REEP3: variants seen among roughly 807,000 people sequenced by gnomAD.
The protein encoded by REEP3 is receptor accessory protein 3.
Under a neutral mutation model 41.3 loss-of-function variants are expected in REEP3, and 20 were observed. That is an observed-to-expected ratio of 0.48 (90% CI 0.34 to 0.70). REEP3 has a LOEUF of 0.70. Ranked by LOEUF, REEP3 falls within the 30% of genes least tolerant of loss-of-function variation. The pLI is 0.01. For missense variants in REEP3, 271 were observed against 308.8 expected, an observed-to-expected ratio of 0.88 and a Z score of 0.92; for synonymous variants, 104 against 101.8, an observed-to-expected ratio of 1.02 and a Z score of -0.13.
At chr10:63,591,544 G>T (rs970911855) in intron 2 of REEP3, among the ~76,000 whole-genome samples, 3 of 152,186 alleles carry the variant, frequency 2.0e-5, no homozygotes, top group Non-Finnish European at 2.9e-5. Context: ...CTATTGATTA[G>T]ATAGTTTGCT....
Position 63,599,271 on chromosome 10 carries a change from T to C in REEP3, c.405T>C (p.Thr135=), listed in dbSNP as rs755844880. 7 of 1,466,822 alleles carry C rather than the reference T, an allele frequency of 4.8e-6. No individual in the cohort carries two copies. The highest frequency in any genetic ancestry group is 5.6e-6 in the Non-Finnish European group (6 of 1,079,044). 90.9% of individuals were successfully genotyped at this position (1,466,822 alleles called of 1,614,324 possible). The change falls in exon 5 of 8, where the codon ACT becomes ACC. Residue 135 remains threonine (T), a synonymous_variant. Coordinates refer to ENST00000373758, the MANE Select transcript of REEP3 (RefSeq NM_001001330.3). The stretch of plus-strand genomic sequence containing the variant: ...ACCTTGCAGCTACTGCTGCTGTTAC[T>C]GCAGCAGTAAAGGTAATTGTTCATT... ...GLNLAATAAV[T]AAVKSQGAIT...
At chr10:63,536,324 C>T (rs1470912722) in intron 1 of REEP3, among the ~76,000 whole-genome samples, 1 of 152,216 alleles carries the variant, frequency 6.6e-6, no homozygotes, top group African/African-American at 2.4e-5. Flanking sequence ...ACTCACATAT[C>T]ATCACCCTAT....
chr10:63,597,978 G>T (rs1219583584), intron 3 of REEP3, 46 bp from the exon 4 acceptor site: 2 of 1,551,018 alleles, frequency 1.3e-6, no homozygotes, highest in Admixed American at 1.9e-5. Flanking sequence ...TTCTACAGTG[G>T]TTTGTTTTTC....
At chr10:63,603,185 T>TGC (rs1956189544) in intron 5 of REEP3, among the ~76,000 whole-genome samples, 2 of 151,436 alleles carry the variant, frequency 1.3e-5, no homozygotes, top group Non-Finnish European at 2.9e-5. Context: ...TGGTGGTGGG[T>TGC]GCCTGTAGTC....
intron 1 of REEP3, among the ~76,000 whole-genome samples, chr10:63,557,801 T>C (rs1955703321): frequency 6.6e-6 from 1 of 152,076 alleles, no homozygotes; most frequent in South Asian, 2.1e-4. Context: ...AAAATAAAAA[T>C]TTGGTGAGTA....
chr10:63,532,643 G>A (rs542413681), intron 1 of REEP3, among the ~76,000 whole-genome samples: 44 of 149,850 alleles, frequency 2.9e-4, no homozygotes, highest in African/African-American at 1.0e-3. Context: ...GCGATAGAGC[G>A]AGACTCCGTC....
At chr10:63,598,171 A>G in intron 4 of REEP3, 27 bp downstream of exon 4, 1 of 1,513,212 alleles carries the variant, frequency 6.6e-7, no homozygotes, top group Non-Finnish European at 9.0e-7. Flanking sequence ...ACTTCCGTAA[A>G]TAATTTTTTA....
chr10:63,556,118 T>G (rs1955676216), intron 1 of REEP3, among the ~76,000 whole-genome samples: 1 of 151,998 alleles, frequency 6.6e-6, no homozygotes, highest in African/African-American at 2.4e-5. Flanking sequence ...GAGATTAAGA[T>G]TCTGATTTTA....
At chr10:63,558,125 C>A (rs1225680383) in intron 1 of REEP3, among the ~76,000 whole-genome samples, 2 of 152,172 alleles carry the variant, frequency 1.3e-5, no homozygotes, top group African/African-American at 2.4e-5. Context: ...TGTAGTATGA[C>A]TTTCCCCCCA....
intron 1 of REEP3, among the ~76,000 whole-genome samples, chr10:63,529,321 A>G (rs1393389993): frequency 6.6e-6 from 1 of 152,234 alleles, no homozygotes; most frequent in Non-Finnish European, 1.5e-5. Flanking sequence ...TACTAAAAAC[A>G]ATCTCTTTAA....
At chr10:63,538,516 C>G (rs1202399416) in intron 1 of REEP3, among the ~76,000 whole-genome samples, 1 of 152,076 alleles carries the variant, frequency 6.6e-6, no homozygotes, top group East Asian at 1.9e-4. Context: ...GGCGGATCAC[C>G]TGATGTCAGG....
intron 1 of REEP3, among the ~76,000 whole-genome samples, chr10:63,527,728 C>T (rs1955379723): frequency 6.6e-6 from 1 of 151,904 alleles, no homozygotes; most frequent in African/African-American, 2.4e-5. Flanking sequence ...AGTCTATACA[C>T]CATCTTCACT....
At chr10:63,529,533 G>C (rs542851628) in intron 1 of REEP3, among the ~76,000 whole-genome samples, 1 of 152,016 alleles carries the variant, frequency 6.6e-6, no homozygotes, top group African/African-American at 2.4e-5. Flanking sequence ...CATGATCCTG[G>C]TTCACTGGAG....
intron 2 of REEP3, among the ~76,000 whole-genome samples, chr10:63,580,256 C>T (rs1026936977): frequency 6.6e-6 from 1 of 152,004 alleles, no homozygotes; most frequent in Non-Finnish European, 1.5e-5. Flanking sequence ...CAACTTCAGC[C>T]TCCTCAGTAG....
chr10:63,587,794 C>T (rs1233637510), intron 2 of REEP3, among the ~76,000 whole-genome samples: 1 of 152,198 alleles, frequency 6.6e-6, no homozygotes, highest in Non-Finnish European at 1.5e-5. Context: ...ACAGATTCCT[C>T]ATCTACCTGC....
chr10:63,566,508 T>C, intron 2 of REEP3, 98 bp downstream of exon 2: 1 of 708,378 alleles, frequency 1.4e-6, no homozygotes, highest in Middle Eastern at 2.4e-4. Flanking sequence ...AGTAGTGTTT[T>C]GGGTTAAAAG....
At chr10:63,585,329 T>G (rs1271443507) in intron 2 of REEP3, among the ~76,000 whole-genome samples, 1 of 152,168 alleles carries the variant, frequency 6.6e-6, no homozygotes, top group African/African-American at 2.4e-5. Flanking sequence ...AAAGGAAAAG[T>G]ACGGTACACA....
intron 1 of REEP3, among the ~76,000 whole-genome samples, chr10:63,541,019 T>C (rs781612693): frequency 2.6e-5 from 4 of 152,226 alleles, no homozygotes; most frequent in Non-Finnish European, 5.9e-5. Context: ...GCAGTGGATC[T>C]AGGGGAGAGT....
intron 2 of REEP3, among the ~76,000 whole-genome samples, chr10:63,591,676 C>T (rs769188120): frequency 7.9e-5 from 12 of 152,164 alleles, no homozygotes; most frequent in Non-Finnish European, 1.5e-4. Flanking sequence ...TATTTTAAAG[C>T]ACATATTTAT....
Sources: allele counts gnomAD v4.1 joint callset (sites outside exome capture counted in the v4.1 genomes callset), GRCh38; gene constraint gnomAD v4.1.1; transcripts MANE v1.5; gene names NCBI Gene and HGNC (gene_info 2026-07-23, HGNC 2026-07-21).